FTO: variants seen among roughly 807,000 people sequenced by gnomAD.
The protein encoded by FTO is FTO alpha-ketoglutarate dependent dioxygenase, also known as alpha-ketoglutarate-dependent dioxygenase FTO.
FTO carries 47 observed loss-of-function variants against 63.9 expected under a neutral mutation model. That is an observed-to-expected ratio of 0.74 (90% confidence interval 0.58 to 0.94). FTO has a LOEUF of 0.94. Ranked by LOEUF, FTO falls within the 40% of genes least tolerant of loss-of-function variation. The pLI is 0.00. For synonymous variants in FTO, 207 were observed against 224.4 expected (o/e 0.92, Z 0.69); for missense variants, 562 against 618.1 (o/e 0.91, Z 0.96).
At chr16:53,741,339 A>G (rs1001589446) in intron 1 of FTO, among the ~76,000 whole-genome samples, 22 of 152,178 alleles carry the variant, frequency 1.4e-4, no homozygotes, top group African/African-American at 5.3e-4. Flanking sequence ...CAATGAGGTT[A>G]TTCTATGTGC....
chr16:53,937,394 T>G, intron 8 of FTO: 1 of 396,210 alleles, frequency 2.5e-6, no homozygotes. Context: ...TTTAAAGAAC[T>G]GGGCGAGCCC....
At chr16:53,931,708 C>G (rs2082288348) in intron 7 of FTO, among the ~76,000 whole-genome samples, 1 of 152,112 alleles carries the variant, frequency 6.6e-6, no homozygotes, top group Admixed American at 6.6e-5. Flanking sequence ...CCCGCTAATG[C>G]TCAGACCTCT....
At chr16:53,773,455 T>C (rs2077389224) in intron 1 of FTO, among the ~76,000 whole-genome samples, 1 of 152,122 alleles carries the variant, frequency 6.6e-6, no homozygotes, top group African/African-American at 2.4e-5. Flanking sequence ...TAGTGTAATA[T>C]ATTCCTCTCC....
chr16:53,862,447 C>T (rs2151856712), intron 4 of FTO, among the ~76,000 whole-genome samples: 1 of 152,036 alleles, frequency 6.6e-6, no homozygotes, highest in East Asian at 1.9e-4. Context: ...CTTGCTCAAC[C>T]ATTTTATAGT....
At chr16:54,008,593 T>G (rs1444342029) in intron 8 of FTO, 1 of 151,914 alleles carries the variant, frequency 6.6e-6, no homozygotes, top group African/African-American at 2.4e-5. Flanking sequence ...ATTCCCCACT[T>G]AATGCATCTT....
intron 8 of FTO, among the ~76,000 whole-genome samples, chr16:53,989,037 G>A (rs936921488): frequency 5.9e-5 from 9 of 152,146 alleles, no homozygotes; most frequent in African/African-American, 2.2e-4. Flanking sequence ...CAGTTAGTGA[G>A]GGGGGTTGGT....
chr16:53,879,910 G>T lies in FTO; in HGVS notation c.1042G>T (p.Asp348Tyr), dbSNP rs1344580377. The T allele has an allele frequency of 6.2e-7, 1 of 1,613,848 alleles. No homozygotes were observed. Among genetic ancestry groups the T allele is most frequent in the Non-Finnish European group, 8.5e-7 (1 of 1,179,848 alleles). Reference sequence around the variant, plus strand: ...GTTGGCTCTGCAGAATGTCTGTGACGATGTGGACAATGATGATGTCTCTTT... The same window carrying T: ...GTTGGCTCTGCAGAATGTCTGTGACTATGTGGACAATGATGATGTCTCTTT... Reference protein sequence around the residue: ...CQLALQNVCDDVDNDDVSLKS... With the variant: ...CQLALQNVCDYVDNDDVSLKS... Residue 348 changes from aspartate (D) to tyrosine (Y), a missense_variant, in exon 6 of 9, where the codon GAT becomes TAT. Asp to Tyr is a radical substitution (Grantham distance 160). Coordinates refer to ENST00000471389, the MANE Select transcript of FTO (RefSeq NM_001080432.3).
chr16:53,966,625 G>A (rs2143685565), intron 8 of FTO, among the ~76,000 whole-genome samples: 1 of 152,258 alleles, frequency 6.6e-6, no homozygotes, highest in East Asian at 1.9e-4. Context: ...GAGAACAACT[G>A]CCTTCCAAAG....
chr16:54,083,805 G>C (rs2086203023), intron 8 of FTO, among the ~76,000 whole-genome samples: 1 of 152,154 alleles, frequency 6.6e-6, no homozygotes, highest in Non-Finnish European at 1.5e-5. Context: ...CATTTTGTCT[G>C]TTTGCCTTTA....
intron 1 of FTO, among the ~76,000 whole-genome samples, chr16:53,745,355 C>A (rs1417311942): frequency 6.6e-6 from 1 of 152,206 alleles, no homozygotes; most frequent in Non-Finnish European, 1.5e-5. Context: ...GCTACCCACT[C>A]CACATACCTT....
At chr16:53,740,723 T>G (rs1468856456) in intron 1 of FTO, among the ~76,000 whole-genome samples, 1 of 152,190 alleles carries the variant, frequency 6.6e-6, no homozygotes. Context: ...GGTCTGTGGC[T>G]TTTTCAGCAC....
At chr16:53,773,020 C>T (rs1417759921) in intron 1 of FTO, among the ~76,000 whole-genome samples, 2 of 151,938 alleles carry the variant, frequency 1.3e-5, no homozygotes, top group Non-Finnish European at 2.9e-5. Context: ...AACTTTCTGT[C>T]AGATGATTAT....
chr16:54,050,110 T>A (rs1001150112), intron 8 of FTO, among the ~76,000 whole-genome samples: 5 of 152,122 alleles, frequency 3.3e-5, no homozygotes, highest in Non-Finnish European at 7.4e-5. Flanking sequence ...TGGGGAACAG[T>A]TGACCCAGTG....
At chr16:54,084,469 G>C (rs1446556325) in intron 8 of FTO, among the ~76,000 whole-genome samples, 1 of 152,164 alleles carries the variant, frequency 6.6e-6, no homozygotes, top group African/African-American at 2.4e-5. Flanking sequence ...GTGTGGATTG[G>C]ATGAGTTAGG....
intron 7 of FTO, among the ~76,000 whole-genome samples, chr16:53,933,209 A>G (rs2082320060): frequency 6.6e-6 from 1 of 152,170 alleles, no homozygotes; most frequent in Non-Finnish European, 1.5e-5. Context: ...AAACAAATAT[A>G]TTGGCGTCTG....
intron 8 of FTO, among the ~76,000 whole-genome samples, chr16:53,934,655 G>C (rs1204424003): frequency 1.3e-5 from 2 of 152,112 alleles, no homozygotes; most frequent in Non-Finnish European, 2.9e-5. Context: ...TTGCTCGGGG[G>C]CTGCAAACCT....
intron 3 of FTO, among the ~76,000 whole-genome samples, chr16:53,836,953 C>G (rs2079311331): frequency 6.6e-6 from 1 of 152,086 alleles, no homozygotes; most frequent in Non-Finnish European, 1.5e-5. Context: ...TTTGATTAAC[C>G]CAGTTCGGTT....
intron 1 of FTO, among the ~76,000 whole-genome samples, chr16:53,779,212 G>A (rs2077530793): frequency 6.6e-6 from 1 of 152,078 alleles, no homozygotes; most frequent in Non-Finnish European, 1.5e-5. Flanking sequence ...GCAATTAACT[G>A]ATCATGTAAT....
chr16:53,843,819 T>A (rs113593793), intron 3 of FTO, among the ~76,000 whole-genome samples: 1 of 50,698 alleles, frequency 2.0e-5, no homozygotes, highest in African/African-American at 6.7e-5. Context: ...TAAAAAGTAA[T>A]TTTTTTTTTT....
Sources: gnomAD v4.1 joint callset for allele counts (sites outside exome capture counted in the v4.1 genomes callset) on GRCh38, gnomAD v4.1.1 for gene constraint, MANE v1.5 for transcripts, NCBI Gene and HGNC (gene_info 2026-07-23, HGNC 2026-07-21) for gene names.